Variants in EPHA4 observed in about 807,000 individuals in gnomAD.
EPHA4 encodes ephrin type-A receptor 4.
A neutral mutation model predicts 108.3 loss-of-function variants in EPHA4; 19 were observed. That is an observed-to-expected ratio of 0.18 (90% confidence interval 0.12 to 0.26). The LOEUF (loss-of-function observed/expected upper bound fraction) is 0.26, where lower values mean the gene tolerates loss of function less well. EPHA4 is among the 10% of genes least tolerant of loss of function. The pLI is 1.00. For synonymous variants in EPHA4, 449 were observed against 455.5 expected (o/e 0.99, Z 0.18); for missense variants, 917 against 1,254.0 (o/e 0.73, Z 4.06).
intron 4 of EPHA4, among the ~76,000 whole-genome samples, chr2:221,491,860 G>A (rs571674110): frequency 1.5e-4 from 23 of 152,064 alleles, no homozygotes; most frequent in African/African-American, 5.3e-4. Context: ...TAGCAAAGAA[G>A]ATACCCTGGG....
chr2:221,503,576 A>G (rs560593112), intron 3 of EPHA4, among the ~76,000 whole-genome samples: 2 of 152,342 alleles, frequency 1.3e-5, no homozygotes, highest in South Asian at 2.1e-4. Flanking sequence ...GCTGGTATTA[A>G]TATGTCACCA....
intron 1 of EPHA4, among the ~76,000 whole-genome samples, chr2:221,570,121 T>A (rs1694781786): frequency 6.6e-6 from 1 of 151,138 alleles, no homozygotes; most frequent in South Asian, 2.1e-4. Flanking sequence ...TAAGACCCAA[T>A]TTACAAAAAA....
At chr2:221,514,898 A>C (rs2106168443) in intron 3 of EPHA4, among the ~76,000 whole-genome samples, 1 of 152,356 alleles carries the variant, frequency 6.6e-6, no homozygotes, top group Non-Finnish European at 1.5e-5. Flanking sequence ...CCATTTAAAG[A>C]AAGCAAGAGA....
At chr2:221,478,622 C>T (rs1015647344) in intron 5 of EPHA4, among the ~76,000 whole-genome samples, 4 of 152,298 alleles carry the variant, frequency 2.6e-5, no homozygotes, top group Middle Eastern at 6.8e-3. Flanking sequence ...CACCTCTTCC[C>T]TTCATTGTTT....
intron 13 of EPHA4, 86 bp downstream of exon 13, chr2:221,436,313 A>C: frequency 1.5e-6 from 2 of 1,314,414 alleles, no homozygotes; most frequent in Non-Finnish European, 2.1e-6. Context: ...AAAAATAAAA[A>C]AATTACAAAG....
rs769931238 is a variant in EPHA4, at chr2:221,434,197, A to G, written c.2441T>C (p.Met814Thr). 1.9e-6 allele frequency: 3 copies of G among 1,614,204 alleles called. No individual in the cohort carries two copies. The highest frequency in any genetic ancestry group is 2.5e-6 in the Non-Finnish European group (3 of 1,180,016). ...CTCCCCGTACGACATCACTTCCCACATAACGATTCCATAGCTCCATACATC... is the reference window on the plus strand; with the variant it reads ...CTCCCCGTACGACATCACTTCCCACGTAACGATTCCATAGCTCCATACATC... ...ASDVWSYGIV[M>T]WEVMSYGERP... Residue 814 changes from methionine (M) to threonine (T), a missense_variant, in exon 14 of 18, where the codon ATG (methionine) becomes ACG (threonine). Physicochemically the swap from Met to Thr is moderately conservative, Grantham distance 81. Transcript: ENST00000281821.
At chr2:221,431,996 T>C (rs1690090549) in intron 14 of EPHA4, among the ~76,000 whole-genome samples, 1 of 152,146 alleles carries the variant, frequency 6.6e-6, no homozygotes, top group African/African-American at 2.4e-5. Flanking sequence ...CTGTTCTACA[T>C]AGAATCCAAC....
At chr2:221,436,367 G>A in intron 13 of EPHA4, 32 bp downstream of exon 13, 1 of 1,602,712 alleles carries the variant, frequency 6.2e-7, no homozygotes, top group Middle Eastern at 1.7e-4. Context: ...TTTCACCAGA[G>A]TGAAAGCCCA....
Position 221,444,772 on chromosome 2 carries a change from T to TCC in EPHA4, c.1775-1167_1775-1166insGG, listed in dbSNP as rs1690541712. Among the ~76,000 whole-genome samples, 4 of 115,414 alleles carry TCC rather than the reference T, an allele frequency of 3.5e-5. No homozygotes were observed. The South Asian group carries it at 1.1e-3, about 32-fold the overall frequency. The allele number at this position is 115,414 out of a possible 152,430, so 75.7% of individuals were successfully genotyped here. A position where few individuals can be genotyped will look rare whatever the true frequency, so the allele number is the denominator to read the frequency against. ...TTTTTTTTTTTTTTTTTTTTTTTTTTCTGGAGACAGAGTCTGGCTGTGTCG... is the reference window on the plus strand; with the variant it reads ...TTTTTTTTTTTTTTTTTTTTTTTTTTCCCTGGAGACAGAGTCTGGCTGTGTCG... On this transcript the variant is annotated intron_variant, in intron 9 of 17. Transcript: ENST00000281821.
chr2:221,457,047 A>G (rs545970837), intron 6 of EPHA4, among the ~76,000 whole-genome samples: 22 of 152,292 alleles, frequency 1.4e-4, no homozygotes, highest in African/African-American at 5.1e-4. Flanking sequence ...GGAACATTAA[A>G]TGATGGTTGG....
intron 4 of EPHA4, among the ~76,000 whole-genome samples, chr2:221,486,574 A>G (rs758247394): frequency 3.2e-4 from 48 of 151,762 alleles, no homozygotes; most frequent in Non-Finnish European, 4.7e-4. Flanking sequence ...CTAAAAATAC[A>G]TAAAAAAAAA....
chr2:221,479,861 G>A (rs1248787255), intron 5 of EPHA4, among the ~76,000 whole-genome samples: 1 of 152,090 alleles, frequency 6.6e-6, no homozygotes, highest in African/African-American at 2.4e-5. Flanking sequence ...ATTTTGAACA[G>A]CTTCCCAGCA....
chr2:221,460,878 C>T (rs1430220), intron 5 of EPHA4, among the ~76,000 whole-genome samples: 99,348 of 152,126 alleles, frequency 0.65, 34,070 homozygotes, highest in East Asian at 0.79. Flanking sequence ...CCACATCCCT[C>T]TGCAGCTTGT....
rs1689724280 is a variant in EPHA4, at chr2:221,420,427, G to C, written c.*945C>G. ...TTGTTTCATCAGTGTCTTTGCCCCA[G>C]AACTGGTGTAATTGAAGCAGAAGAA... On this transcript the variant is annotated 3_prime_UTR_variant, in exon 18 of 18. Transcript: ENST00000281821. 6.6e-6 allele frequency: 1 copy of C among 152,654 alleles called. No homozygotes were observed. The highest frequency in any genetic ancestry group is 2.4e-5 in the African/African-American group (1 of 41,460). 9.5% of individuals were successfully genotyped at this position (152,654 alleles called of 1,614,324 possible). A position where few individuals can be genotyped will look rare whatever the true frequency, so the allele number is the denominator to read the frequency against.
At chr2:221,445,160 T>C (rs1387439352) in intron 9 of EPHA4, among the ~76,000 whole-genome samples, 1 of 152,210 alleles carries the variant, frequency 6.6e-6, no homozygotes, top group Non-Finnish European at 1.5e-5. Context: ...TCAGTCATAT[T>C]AGCTACATTT....
chr2:221,565,531 C>T (rs1694605621), intron 2 of EPHA4, among the ~76,000 whole-genome samples: 1 of 151,976 alleles, frequency 6.6e-6, no homozygotes. Context: ...TGTAATAGCT[C>T]CAGGTAAAGC....
rs530703812 is a variant in EPHA4, at chr2:221,519,205, G to C, written c.824-18033C>G. Among the ~76,000 whole-genome samples, 19 of 152,230 alleles carry C rather than the reference G, an allele frequency of 1.2e-4. No individual in the cohort carries two copies. In the South Asian group the frequency reaches 3.7e-3, roughly 30 times the overall value. Reference sequence around the variant, plus strand: ...AAAAACAGTGCAGTGCAACAGCTAGGGTGGCTATAAATGTAGTTTTAAACA... The same window carrying C: ...AAAAACAGTGCAGTGCAACAGCTAGCGTGGCTATAAATGTAGTTTTAAACA... On this transcript the variant is annotated intron_variant, in intron 3 of 17. Coordinates refer to ENST00000281821, the MANE Select transcript of EPHA4 (RefSeq NM_004438.5).
intron 9 of EPHA4, among the ~76,000 whole-genome samples, chr2:221,444,783 A>G (rs1690542622): frequency 9.0e-6 from 1 of 111,160 alleles, no homozygotes. Context: ...CTGGAGACAG[A>G]GTCTGGCTGT....
intron 3 of EPHA4, among the ~76,000 whole-genome samples, chr2:221,533,431 G>T (rs974580748): frequency 6.6e-6 from 1 of 152,000 alleles, no homozygotes; most frequent in African/African-American, 2.4e-5. Flanking sequence ...ATGCAGATGC[G>T]CTATTCACTG....
Sources: allele counts gnomAD v4.1 joint callset (sites outside exome capture counted in the v4.1 genomes callset), GRCh38; gene constraint gnomAD v4.1.1; transcripts MANE v1.5; gene names NCBI Gene and HGNC (gene_info 2026-07-23, HGNC 2026-07-21).